Variants in ADORA2B observed in about 807,000 individuals in gnomAD.
The protein encoded by ADORA2B is adenosine receptor A2b.
Under a neutral mutation model 20.8 loss-of-function variants are expected in ADORA2B, and 18 were observed. That is an observed-to-expected ratio of 0.87 (90% CI 0.60 to 1.29). ADORA2B has a LOEUF of 1.29. ADORA2B is among the 50% of genes most tolerant of loss of function. The probability of loss-of-function intolerance (pLI) is 0.00; values close to 1 mark genes in which losing one functional copy is unlikely to be tolerated. For synonymous variants in ADORA2B, 179 were observed against 178.3 expected (o/e 1.00, Z -0.03); for missense variants, 441 against 422.7 (o/e 1.04, Z -0.38).
chr17:15,864,782 A>G, the ADORA2B span, among the ~76,000 whole-genome samples: 1 of 152,122 alleles, frequency 6.6e-6, no homozygotes, highest in Non-Finnish European at 1.5e-5. Flanking sequence ...TTGGTTGGAT[A>G]TTTTGGATCT....
At chr17:15,854,246 C>T in the ADORA2B span, among the ~76,000 whole-genome samples, 16 of 152,286 alleles carry the variant, frequency 1.1e-4, no homozygotes, top group Admixed American at 2.6e-4. Flanking sequence ...TGAGCCACCG[C>T]GCCTGGCCTC....
chr17:15,904,760 T>G, the ADORA2B span, among the ~76,000 whole-genome samples: 10 of 152,128 alleles, frequency 6.6e-5, no homozygotes, highest in East Asian at 1.4e-3. Flanking sequence ...CGGTTTTGGG[T>G]TTTTTTTGTT....
chr17:15,851,436 C>G, the ADORA2B span, among the ~76,000 whole-genome samples: 3 of 151,530 alleles, frequency 2.0e-5, no homozygotes, highest in African/African-American at 7.3e-5. Context: ...ACCACACAGC[C>G]ACAGGTGCAG....
the ADORA2B span, among the ~76,000 whole-genome samples, chr17:15,903,240 C>T: frequency 6.6e-6 from 1 of 152,216 alleles, no homozygotes; most frequent in Admixed American, 6.5e-5. Flanking sequence ...AAGCCCTCAA[C>T]CTTGGACCAT....
the ADORA2B span, among the ~76,000 whole-genome samples, chr17:15,879,764 C>T: frequency 2.0e-5 from 3 of 150,460 alleles, no homozygotes; most frequent in African/African-American, 7.5e-5. Context: ...GTCTTGATCT[C>T]CTGACCTTGT....
the ADORA2B span, among the ~76,000 whole-genome samples, chr17:15,925,281 C>T: frequency 6.6e-6 from 1 of 152,136 alleles, no homozygotes; most frequent in Non-Finnish European, 1.5e-5. Flanking sequence ...GGTGATCTGC[C>T]TGCCTCAGCC....
At chr17:15,955,663 C>T (rs890772400) in intron 1 of ADORA2B, among the ~76,000 whole-genome samples, 6 of 151,570 alleles carry the variant, frequency 4.0e-5, no homozygotes, top group African/African-American at 1.2e-4. Flanking sequence ...TCACCTTGGC[C>T]TCCCAAAGTT....
intron 1 of ADORA2B, chr17:15,973,961 C>T (rs1333957124): frequency 2.6e-5 from 4 of 152,230 alleles, no homozygotes; most frequent in Non-Finnish European, 4.4e-5. Context: ...GAATGATTCA[C>T]AAATTGTGCA....
At chr17:15,933,104 C>T in the ADORA2B span, among the ~76,000 whole-genome samples, 4 of 151,942 alleles carry the variant, frequency 2.6e-5, no homozygotes, top group Non-Finnish European at 4.4e-5. Context: ...TACAAGCGCC[C>T]GCTACCACGC....
At chr17:15,905,058 C>T in the ADORA2B span, among the ~76,000 whole-genome samples, 1 of 151,528 alleles carries the variant, frequency 6.6e-6, no homozygotes, top group Admixed American at 6.6e-5. Context: ...TCATTATCTA[C>T]CAAAAAAAAA....
intron 1 of ADORA2B, among the ~76,000 whole-genome samples, chr17:15,960,828 A>G (rs1405821240): frequency 8.0e-5 from 12 of 150,616 alleles, no homozygotes; most frequent in Admixed American, 6.0e-4. Context: ...GTGAGCCGAG[A>G]TCATGCCACT....
the ADORA2B span, among the ~76,000 whole-genome samples, chr17:15,875,856 C>T: frequency 6.6e-6 from 1 of 152,250 alleles, no homozygotes; most frequent in Non-Finnish European, 1.5e-5. Context: ...GCTGGAATTA[C>T]AGGCGTGAGC....
chr17:15,867,537 G>A, the ADORA2B span, among the ~76,000 whole-genome samples: 4 of 146,528 alleles, frequency 2.7e-5, 1 homozygote, highest in South Asian at 8.8e-4. Flanking sequence ...AGTGAGGAGC[G>A]TCTCCGCCCG....
the ADORA2B span, among the ~76,000 whole-genome samples, chr17:15,904,863 C>T: frequency 6.6e-6 from 1 of 152,038 alleles, no homozygotes; most frequent in Non-Finnish European, 1.5e-5. Context: ...AATTAGTTGA[C>T]TATATTTGTG....
Position 15,975,182 on chromosome 17 carries a change from A to G in ADORA2B, c.839A>G (p.His280Arg). The G allele has an allele frequency of 6.2e-7, 1 of 1,614,166 alleles. No individual in the cohort carries two copies. Among genetic ancestry groups the G allele is most frequent in the Non-Finnish European group, 8.5e-7 (1 of 1,180,032 alleles). Reference sequence around the variant, plus strand: ...ATGAATATGGCCATTCTTCTGTCACATGCCAATTCAGTTGTCAATCCCATT... The same window carrying G: ...ATGAATATGGCCATTCTTCTGTCACGTGCCAATTCAGTTGTCAATCCCATT... ...WAMNMAILLS[H>R]ANSVVNPIVY... is the part of the protein sequence containing the mutation. The change falls in exon 2 of 2, where the codon CAT becomes CGT. Residue 280 changes from histidine to arginine, a missense_variant. Transcript: ENST00000304222.
chr17:15,939,738 G>A, the ADORA2B span, among the ~76,000 whole-genome samples: 1 of 151,844 alleles, frequency 6.6e-6, no homozygotes, highest in East Asian at 1.9e-4. Context: ...GCGGGTGCCT[G>A]TAGTCCCAGC....
At chr17:15,962,108 T>A (rs1422051627) in intron 1 of ADORA2B, among the ~76,000 whole-genome samples, 1 of 152,072 alleles carries the variant, frequency 6.6e-6, no homozygotes, top group Non-Finnish European at 1.5e-5. Flanking sequence ...TTCAAGACCA[T>A]CCTGGCTAAC....
chr17:15,910,589 G>A, the ADORA2B span, among the ~76,000 whole-genome samples: 4 of 152,166 alleles, frequency 2.6e-5, no homozygotes, highest in East Asian at 1.9e-4. Flanking sequence ...ATGAGCCACC[G>A]TGCCCGGCCT....
At chr17:15,907,678 C>T in the ADORA2B span, among the ~76,000 whole-genome samples, 1 of 152,022 alleles carries the variant, frequency 6.6e-6, no homozygotes, top group Non-Finnish European at 1.5e-5. Context: ...ACAACAACAA[C>T]AAAAAACACA....
Sources: allele counts gnomAD v4.1 joint callset (sites outside exome capture counted in the v4.1 genomes callset), GRCh38; gene constraint gnomAD v4.1.1; transcripts MANE v1.5; gene names NCBI Gene and HGNC (gene_info 2026-07-23, HGNC 2026-07-21).